PCDH10: variants seen among roughly 807,000 people sequenced by gnomAD.
PCDH10 encodes protocadherin 10.
A neutral mutation model predicts 74.4 loss-of-function variants in PCDH10; 15 were observed. That is an observed-to-expected ratio of 0.20 (90% CI 0.13 to 0.31). PCDH10 has a LOEUF of 0.31. Among genes scored for constraint, PCDH10 ranks in the 10% least tolerant of loss-of-function variants. The pLI, the probability that PCDH10 is intolerant of heterozygous loss-of-function variation, is 1.00. For missense variants in PCDH10, 1,260 were observed against 1,390.2 expected (o/e 0.91, Z 1.49); for synonymous variants, 619 against 589.8 (o/e 1.05, Z -0.72).
chr4:133,155,830 A>G (rs191627872), intron 3 of PCDH10, among the ~76,000 whole-genome samples: 1 of 152,310 alleles, frequency 6.6e-6, no homozygotes, highest in East Asian at 1.9e-4. Flanking sequence ...AAACTCTTAC[A>G]TGAAATAAAA....
chr4:133,200,686 A>G (rs987515203), intron 2 of PCDH10, among the ~76,000 whole-genome samples: 8 of 152,166 alleles, frequency 5.3e-5, no homozygotes, highest in South Asian at 4.1e-4. Context: ...AATCCCACCT[A>G]TGAAGAAAAT....
intron 2 of PCDH10, among the ~76,000 whole-genome samples, chr4:133,202,628 C>G (rs2125878074): frequency 6.6e-6 from 1 of 152,170 alleles, no homozygotes; most frequent in South Asian, 2.1e-4. Context: ...AATTCTTAGA[C>G]AACATATTGA....
chr4:133,168,318 A>G (rs956232288), intron 4 of PCDH10, among the ~76,000 whole-genome samples: 6 of 151,368 alleles, frequency 4.0e-5, no homozygotes, highest in Non-Finnish European at 8.9e-5. Context: ...TTACTCAGAC[A>G]TCAGTACTTC....
rs1727641076 is a variant in PCDH10, at chr4:133,190,568, T to C, written c.*408T>C. On this transcript the variant is annotated 3_prime_UTR_variant, in exon 5 of 5. Transcript: ENST00000264360. ...ACTTGACTGTTTTATATTATTTTTG[T>C]GTGATCAAGTGTTCCGCAAGCTATT... 6.1e-6 allele frequency: 1 copy of C among 163,074 alleles called. No individual in the cohort carries two copies. Among genetic ancestry groups the C allele is most frequent in the African/African-American group, 2.4e-5 (1 of 41,886 alleles). The allele number at this position is 163,074 out of a possible 1,614,324, so 10.1% of individuals were successfully genotyped here. A position where few individuals can be genotyped will look rare whatever the true frequency, so the allele number is the denominator to read the frequency against.
intron 2 of PCDH10, among the ~76,000 whole-genome samples, chr4:133,207,508 T>A (rs1319840725): frequency 6.6e-6 from 1 of 152,182 alleles, no homozygotes; most frequent in East Asian, 1.9e-4. Context: ...AACCATATGC[T>A]GCATAACTTC....
At position 133,151,807 on chromosome 4, in the gene PCDH10, G is replaced by C; in HGVS notation, c.1667G>C (p.Gly556Ala). 1 of 1,613,100 alleles carries C rather than the reference G, an allele frequency of 6.2e-7. No individual in the cohort carries two copies. Among genetic ancestry groups the C allele is most frequent in the Non-Finnish European group, 8.5e-7 (1 of 1,180,040 alleles). The change falls in exon 1 of 5, where the codon GGT (glycine) becomes GCT (alanine). Residue 556 changes from glycine (G) to alanine (A), a missense_variant. By Grantham distance (60) the Gly-to-Ala change is moderately conservative. Transcript: ENST00000264360. ...GCTGGCAGCCCCCAGGCGCTGGCTG[G>C]TAACGCCACTGTCAACATCCTCATA... Reference protein sequence around the residue: ...RDAGSPQALAGNATVNILIVD... With the variant: ...RDAGSPQALAANATVNILIVD...
intron 2 of PCDH10, among the ~76,000 whole-genome samples, chr4:133,205,401 C>G (rs765291652): frequency 6.6e-6 from 1 of 152,114 alleles, no homozygotes; most frequent in Non-Finnish European, 1.5e-5. Flanking sequence ...TGTAAATAAA[C>G]TTTTCATAAA....
intron 2 of PCDH10, among the ~76,000 whole-genome samples, chr4:133,201,318 C>A (rs1249806800): frequency 1.3e-5 from 2 of 152,118 alleles, no homozygotes; most frequent in Non-Finnish European, 2.9e-5. Context: ...AGGAGGTATT[C>A]TCACCGTAGG....
chr4:133,156,235 C>G (rs1433386157), intron 3 of PCDH10, among the ~76,000 whole-genome samples: 2 of 152,218 alleles, frequency 1.3e-5, no homozygotes, highest in Admixed American at 6.5e-5. Flanking sequence ...TGCTACAAGC[C>G]TCTCACTTGG....
chr4:133,202,153 C>T (rs1432678186), intron 2 of PCDH10, among the ~76,000 whole-genome samples: 1 of 152,098 alleles, frequency 6.6e-6, no homozygotes, highest in African/African-American at 2.4e-5. Context: ...GAGGGCTATG[C>T]ATGAAGTAAT....
At chr4:133,159,628 C>A (rs1288756823) in intron 3 of PCDH10, among the ~76,000 whole-genome samples, 1 of 151,890 alleles carries the variant, frequency 6.6e-6, no homozygotes, top group South Asian at 2.1e-4. Context: ...AAAATCCAGA[C>A]TACACCACCA....
At position 133,151,889 on chromosome 4, in the gene PCDH10, G is replaced by T. The variant is rs533621614; in HGVS notation, c.1749G>T (p.Gly583=). Residue 583 remains glycine, a synonymous_variant, in exon 1 of 5, where the codon GGG becomes GGT. Transcript: ENST00000264360. ...AIVAPLPGRN[G]TPAREVLPRS... is the part of the protein sequence containing the mutation. ...TGGCGCCTCTACCAGGGCGCAACGG[G>T]ACTCCAGCGCGTGAGGTGCTGCCCC... The T allele has an allele frequency of 3.1e-6, 5 of 1,612,966 alleles. No homozygotes were observed. In the South Asian group the frequency reaches 5.5e-5, roughly 18 times the overall value.
At position 133,149,996 on chromosome 4, in the gene PCDH10, G is replaced by A. The variant is rs761044941; in HGVS notation, c.-145G>A. 5.5e-4 allele frequency: 663 copies of A among 1,212,572 alleles called. No individual in the cohort carries two copies. Among genetic ancestry groups the A allele is most frequent in the Non-Finnish European group, 7.0e-4 (646 of 916,660 alleles). The allele number at this position is 1,212,572 out of a possible 1,614,324, so 75.1% of individuals were successfully genotyped here. A position where few individuals can be genotyped will look rare whatever the true frequency, so the allele number is the denominator to read the frequency against. On this transcript the variant is annotated 5_prime_UTR_variant, in exon 1 of 5. Transcript: ENST00000264360. ...CTCTAAAATGAAGCAAAAGGAGTAA[G>A]ATTTTTAAAGACAGAAAGCCACAGG...
At position 133,152,127 on chromosome 4, in the gene PCDH10, C is replaced by T. The variant is rs751598749; in HGVS notation, c.1987C>T (p.His663Tyr). ...TGAGCTGGTGATCGAGGTGCGCGACCATGGGCAGCCGCCCCTTTCCTCCAC... is the reference window on the plus strand; with the variant it reads ...TGAGCTGGTGATCGAGGTGCGCGACTATGGGCAGCCGCCCCTTTCCTCCAC... ...PYELVIEVRDHGQPPLSSTAT... is the reference protein window; with the variant it reads ...PYELVIEVRDYGQPPLSSTAT... The change falls in exon 1 of 5, where the codon CAT becomes TAT. Residue 663 changes from histidine to tyrosine, a missense_variant. By Grantham distance (83) the His-to-Tyr change is moderately conservative. This residue lies in a region of PCDH10 where 587 missense variants were observed against 616.9 expected (regional missense o/e 0.95). Transcript: ENST00000264360. 1.3e-6 allele frequency: 2 copies of T among 1,568,066 alleles called. No homozygotes were observed. Among genetic ancestry groups the T allele is most frequent in the South Asian group, 1.2e-5 (1 of 82,958 alleles).
chr4:133,149,566 G>A lies in PCDH10; in HGVS notation c.-575G>A, dbSNP rs72715779. On this transcript the variant is annotated 5_prime_UTR_variant, in exon 1 of 5. Coordinates refer to ENST00000264360, the MANE Select transcript of PCDH10 (RefSeq NM_032961.3). Reference sequence around the variant, plus strand: ...GAAATGAAGAGAATGAAAGTTTTAAGCTGCAGAGCCGTTCTGTGCTTTTCC... The same window carrying A: ...GAAATGAAGAGAATGAAAGTTTTAAACTGCAGAGCCGTTCTGTGCTTTTCC... 0.15 allele frequency: 22,901 copies of A among 152,160 alleles called. 2,247 individuals carry two copies. Among genetic ancestry groups the A allele is most frequent in the Non-Finnish European group, 0.22 (14,939 of 68,036 alleles). The allele number at this position is 152,160 out of a possible 1,614,324, so 9.4% of individuals were successfully genotyped here. A position where few individuals can be genotyped will look rare whatever the true frequency, so the allele number is the denominator to read the frequency against.
intron 4 of PCDH10, among the ~76,000 whole-genome samples, chr4:133,168,963 A>G (rs1727144429): frequency 6.6e-6 from 1 of 151,782 alleles, no homozygotes; most frequent in African/African-American, 2.4e-5. Flanking sequence ...AATTCAAGCT[A>G]TTGAAATGCA....
In PCDH10 at chr4:133,152,253, T is replaced by C. The variant is rs780066239; in HGVS notation, c.2113T>C (p.Ser705Pro). ...GSGEHQRPSR[S>P]GGGETSLDLT... ...AGGAGAGCACCAGCGCCCCAGTCGC[T>C]CTGGCGGCGGGGAAACCTCGCTAGA... The change falls in exon 1 of 5, where the codon TCT becomes CCT. Residue 705 changes from serine (S) to proline (P), a missense_variant. This residue lies in a region of PCDH10 where 587 missense variants were observed against 616.9 expected (regional missense o/e 0.95). Transcript: ENST00000264360. 1.8e-5 allele frequency: 29 copies of C among 1,612,218 alleles called. No individual in the cohort carries two copies. The highest frequency in any genetic ancestry group is 2.4e-5 in the Non-Finnish European group (28 of 1,179,096).
At chr4:133,208,463 C>T (rs1728095412) in exon 3 of PCDH10, 2 of 152,120 alleles carry the variant, frequency 1.3e-5, no homozygotes, top group South Asian at 4.1e-4. Context: ...ATAATGTACA[C>T]ACCCTGTTGC....
rs1398070101 is a variant in PCDH10, at chr4:133,194,096, G to T, written c.*3936G>T. On this transcript the variant is annotated 3_prime_UTR_variant, in exon 5 of 5. Transcript: ENST00000264360. ...ATTATAGCATTCTGTATGAATGCAG[G>T]TAGATGGGTGCCGCCAGAGTATTGC... is the stretch of plus-strand genomic sequence containing the variant. 3.3e-5 allele frequency: 5 copies of T among 151,760 alleles called. No homozygotes were observed. The allele number at this position is 151,760 out of a possible 1,614,324, so 9.4% of individuals were successfully genotyped here. A position where few individuals can be genotyped will look rare whatever the true frequency, so the allele number is the denominator to read the frequency against.
Sources: gnomAD v4.1 joint callset for allele counts (sites outside exome capture counted in the v4.1 genomes callset) on GRCh38, gnomAD v4.1.1 for gene constraint, gnomAD v4.1.1 regional missense constraint, MANE v1.5 for transcripts, NCBI Gene and HGNC (gene_info 2026-07-23, HGNC 2026-07-21) for gene names.